LIFR: variants seen among roughly 807,000 people sequenced by gnomAD.
LIFR encodes leukemia inhibitory factor receptor.
A neutral mutation model predicts 122.2 loss-of-function variants in LIFR; 84 were observed. The ratio of observed to expected loss-of-function variants is 0.69; its 90% CI spans 0.58 to 0.82. The LOEUF is 0.82. Among genes scored for constraint, LIFR ranks in the 40% least tolerant of loss-of-function variants. The pLI is 0.00. For missense variants in LIFR, 1,294 were observed against 1,311.6 expected (o/e 0.99, Z 0.21); for synonymous variants, 422 against 434.7 (o/e 0.97, Z 0.36).
In LIFR at chr5:38,515,455, C is replaced by CA. The variant is rs558683267; in HGVS notation, c.562-3492dup. Among the ~76,000 whole-genome samples, 362 of 151,950 alleles carry CA rather than the reference C, an allele frequency of 2.4e-3. 2 individuals carry two copies. The highest frequency in any genetic ancestry group is 5.0e-3 in the Admixed American group (76 of 15,260). On this transcript the variant is annotated intron_variant, in intron 5 of 19. Transcript: ENST00000453190. ...AAGTAATGAAGCAGAGAAATAAACA[C>CA]AAAAAAACAAGATAATATAAGGAGT...
At chr5:38,513,890 C>T (rs931101280) in intron 5 of LIFR, among the ~76,000 whole-genome samples, 13 of 151,390 alleles carry the variant, frequency 8.6e-5, no homozygotes, top group East Asian at 3.9e-4. Flanking sequence ...AATTCTAATA[C>T]GAAAGTCAAT....
At position 38,541,652 on chromosome 5, in the gene LIFR, T is replaced by C. The variant is rs1223402855; in HGVS notation, c.-19-10986A>G. ...TATCAAAAACTTCTGTTTTTCTTGG[T>C]ATCTTCATTAATGAGTTGCATGAAG... On this transcript the variant is annotated intron_variant, in intron 1 of 19. Transcript: ENST00000453190. Among the ~76,000 whole-genome samples, 3 of 152,218 alleles carry C rather than the reference T, an allele frequency of 2.0e-5. No homozygotes were observed. In the East Asian group the frequency reaches 5.8e-4, roughly 29 times the overall value.
intron 1 of LIFR, among the ~76,000 whole-genome samples, chr5:38,537,287 C>T (rs535862847): frequency 6.6e-6 from 1 of 152,316 alleles, no homozygotes; most frequent in East Asian, 1.9e-4. Context: ...TCCACATTCC[C>T]TTTGGTCTCA....
Position 38,510,489 on chromosome 5 carries a change from T to C in LIFR, c.966A>G (p.Ile322Met), listed in dbSNP as rs2112491787. The C allele has an allele frequency of 6.2e-7, 1 of 1,612,396 alleles. No individual in the cohort carries two copies. The highest frequency in any genetic ancestry group is 2.2e-5 in the East Asian group (1 of 44,814). ...ATCCAGCAAAAATAACGGTTCCAAA[T>C]ATGTTATCTTCGGTTGTAAAAACTA... ...TNVVFTTEDN[I>M]FGTVIFAGYP... is the part of the protein sequence containing the mutation. Residue 322 changes from isoleucine to methionine, a missense_variant, in exon 7 of 20, where the codon ATA (isoleucine) becomes ATG (methionine). By Grantham distance (10) the Ile-to-Met change is conservative (BLOSUM62 1). Transcript: ENST00000453190.
chr5:38,537,752 T>C (rs1277992038), intron 1 of LIFR, among the ~76,000 whole-genome samples: 2 of 152,236 alleles, frequency 1.3e-5, no homozygotes, highest in East Asian at 1.9e-4. Context: ...TTATTGATAA[T>C]TTGCAATGCT....
Position 38,501,399 on chromosome 5 carries a change from T to C in LIFR, c.1600+1238A>G, listed in dbSNP as rs143175064. Among the ~76,000 whole-genome samples, 326 of 152,354 alleles carry C rather than the reference T, an allele frequency of 2.1e-3. 1 individual carries two copies. The highest frequency in any genetic ancestry group is 7.6e-3 in the African/African-American group (314 of 41,574). On this transcript the variant is annotated intron_variant, in intron 11 of 19. Coordinates refer to ENST00000453190, the MANE Select transcript of LIFR (RefSeq NM_001127671.2). ...CTATTTCTTAAATTTTTGGAGGAAG[T>C]ATTATACTGCATAATATAAATAAAG... is the stretch of plus-strand genomic sequence containing the variant.
intron 7 of LIFR, 75 bp downstream of exon 7, chr5:38,510,389 T>G: frequency 3.3e-5 from 35 of 1,067,662 alleles, no homozygotes; most frequent in Non-Finnish European, 4.5e-5. Flanking sequence ...ACCCCCCCAC[T>G]CCAGAAGAAT....
intron 1 of LIFR, among the ~76,000 whole-genome samples, chr5:38,574,564 A>C (rs181993831): frequency 1.0e-3 from 152 of 152,284 alleles, no homozygotes; most frequent in African/African-American, 3.3e-3. Context: ...TAATCTTCTC[A>C]ACAATTTTCT....
At chr5:38,591,684 TTTG>T in intron 1 of LIFR, among the ~76,000 whole-genome samples, 1 of 152,306 alleles carries the variant, frequency 6.6e-6, no homozygotes, top group Non-Finnish European at 1.5e-5. Context: ...TAAACTGAGT[TTTG>T]TTGTTTCTTA....
At chr5:38,515,935 A>T (rs548590539) in intron 5 of LIFR, among the ~76,000 whole-genome samples, 29 of 152,314 alleles carry the variant, frequency 1.9e-4, no homozygotes, top group Admixed American at 1.6e-3. Context: ...AAATAATAGC[A>T]TTAGTGCAAA....
chr5:38,521,935 G>A (rs1277425869), intron 5 of LIFR, among the ~76,000 whole-genome samples: 2 of 152,080 alleles, frequency 1.3e-5, no homozygotes, highest in Non-Finnish European at 2.9e-5. Context: ...TCTGGCACCA[G>A]GGCAAGGGAA....
At chr5:38,555,534 G>T (rs933759272) in intron 1 of LIFR, among the ~76,000 whole-genome samples, 20 of 152,088 alleles carry the variant, frequency 1.3e-4, no homozygotes, top group African/African-American at 4.8e-4. Flanking sequence ...CTTTTCTGTT[G>T]AAAGAATGTA....
At chr5:38,591,165 A>G (rs1749910086) in intron 1 of LIFR, among the ~76,000 whole-genome samples, 1 of 152,250 alleles carries the variant, frequency 6.6e-6, no homozygotes, top group South Asian at 2.1e-4. Context: ...AGCAAGGTTT[A>G]GGGAGAGACA....
chr5:38,490,421 T>C (rs1744521458), intron 14 of LIFR, 130 bp from the exon 15 acceptor site: 2 of 463,698 alleles, frequency 4.3e-6, no homozygotes, highest in Admixed American at 7.7e-5. Context: ...TATTAAAAAA[T>C]ACATATATAT....
chr5:38,486,402 C>A (rs1420088430), intron 16 of LIFR, among the ~76,000 whole-genome samples: 5 of 152,120 alleles, frequency 3.3e-5, no homozygotes, highest in Non-Finnish European at 5.9e-5. Flanking sequence ...AGCAAACCTG[C>A]AGATCAATAG....
At chr5:38,581,307 G>A (rs898033740) in intron 1 of LIFR, among the ~76,000 whole-genome samples, 2 of 152,086 alleles carry the variant, frequency 1.3e-5, no homozygotes, top group South Asian at 2.1e-4. Flanking sequence ...CTAGCAGGAC[G>A]TTTAAGACCC....
chr5:38,544,948 C>G (rs911943473), intron 1 of LIFR, among the ~76,000 whole-genome samples: 3 of 152,052 alleles, frequency 2.0e-5, no homozygotes, highest in Non-Finnish European at 4.4e-5. Context: ...AGTTATGCAC[C>G]ATGGAAGATT....
At chr5:38,493,534 GCACC>G in intron 14 of LIFR, 68 bp downstream of exon 14, 1 of 1,398,050 alleles carries the variant, frequency 7.2e-7, no homozygotes, top group Non-Finnish European at 1.0e-6. Flanking sequence ...TCACTTCACT[GCACC>G]CAGTCTTACG....
Position 38,485,105 on chromosome 5 carries a change from G to C in LIFR, c.2498-237C>G, listed in dbSNP as rs556369799. 8.5e-5 allele frequency among the ~76,000 whole-genome samples: 13 copies of C among 152,168 alleles called. No homozygotes were observed. The East Asian group carries it at 2.3e-3, about 27-fold the overall frequency. ...AATCTTGATACTTGTGACATTTTAG[G>C]CCAGACAGATCTTCACTAGAGGATC... is the stretch of plus-strand genomic sequence containing the variant. On this transcript the variant is annotated intron_variant, in intron 17 of 19. Coordinates refer to ENST00000453190, the MANE Select transcript of LIFR (RefSeq NM_001127671.2).
Sources: allele counts gnomAD v4.1 joint callset (sites outside exome capture counted in the v4.1 genomes callset), GRCh38; gene constraint gnomAD v4.1.1; transcripts MANE v1.5; gene names NCBI Gene and HGNC (gene_info 2026-07-23, HGNC 2026-07-21).